The following KAZN variants were observed in gnomAD, a reference collection of about 807,000 sequenced individuals.
The protein encoded by KAZN is kazrin, periplakin interacting protein, also known as kazrin.
Under a neutral mutation model 87.4 loss-of-function variants are expected in KAZN, and 40 were observed. The ratio of observed to expected loss-of-function variants is 0.46; its 90% CI spans 0.36 to 0.60. KAZN has a LOEUF of 0.60. KAZN is among the 20% of genes least tolerant of loss of function. The probability of loss-of-function intolerance (pLI) is 0.00; values close to 1 mark genes in which losing one functional copy is unlikely to be tolerated. For missense variants in KAZN, 898 were observed against 1,073.9 expected (o/e 0.84, Z 2.29); for synonymous variants, 466 against 458.3 (o/e 1.02, Z -0.22).
At chr1:14,655,842 G>T (rs973777775) in intron 1 of KAZN, among the ~76,000 whole-genome samples, 2 of 152,134 alleles carry the variant, frequency 1.3e-5, no homozygotes, top group Non-Finnish European at 2.9e-5. Flanking sequence ...AGGTTCAAGC[G>T]GCCAAAGAAG....
intron 2 of KAZN, among the ~76,000 whole-genome samples, chr1:14,472,050 C>T (rs1298929947): frequency 6.6e-6 from 1 of 152,124 alleles, no homozygotes; most frequent in Non-Finnish European, 1.5e-5. Flanking sequence ...TGAGGGCTCA[C>T]GTTCTGCTTC....
chr1:14,049,677 C>T (rs1371351503), intron 1 of KAZN, among the ~76,000 whole-genome samples: 3 of 152,160 alleles, frequency 2.0e-5, no homozygotes, highest in East Asian at 1.9e-4. Context: ...TCCCTCTTTT[C>T]CTCTCACCCT....
chr1:13,980,226 A>G (rs1638596949), intron 1 of KAZN, among the ~76,000 whole-genome samples: 1 of 152,188 alleles, frequency 6.6e-6, no homozygotes, highest in African/African-American at 2.4e-5. Flanking sequence ...AAGGCAAGAA[A>G]GCATAATAAA....
chr1:14,238,405 T>C (rs1350283723), intron 2 of KAZN, among the ~76,000 whole-genome samples: 1 of 152,218 alleles, frequency 6.6e-6, no homozygotes, highest in Non-Finnish European at 1.5e-5. Flanking sequence ...CATTATTAGC[T>C]GCTAGTGGAT....
intron 1 of KAZN, among the ~76,000 whole-genome samples, chr1:14,632,533 A>G (rs187367839): frequency 1.2e-4 from 18 of 152,028 alleles, no homozygotes; most frequent in African/African-American, 3.6e-4. Flanking sequence ...TGAGAACATT[A>G]AACAAGTGCC....
intron 2 of KAZN, among the ~76,000 whole-genome samples, chr1:15,016,415 A>G (rs1670107754): frequency 6.6e-6 from 1 of 152,078 alleles, no homozygotes; most frequent in Admixed American, 6.5e-5. Flanking sequence ...CCTCCCGAGT[A>G]GCTGGGATTA....
intron 2 of KAZN, among the ~76,000 whole-genome samples, chr1:14,981,122 A>G (rs1263386103): frequency 1.3e-5 from 2 of 152,130 alleles, no homozygotes; most frequent in Non-Finnish European, 2.9e-5. Flanking sequence ...GCTTGCTCCA[A>G]GAAGGGAGGG....
intron 1 of KAZN, among the ~76,000 whole-genome samples, chr1:14,693,959 A>G (rs1641461994): frequency 6.6e-6 from 1 of 152,206 alleles, no homozygotes; most frequent in Non-Finnish European, 1.5e-5. Context: ...AAAATGTAGC[A>G]TGCAGTCTAA....
At chr1:13,961,525 G>A (rs1346138614) in intron 1 of KAZN, among the ~76,000 whole-genome samples, 7 of 152,154 alleles carry the variant, frequency 4.6e-5, no homozygotes, top group Non-Finnish European at 8.8e-5. Flanking sequence ...CCTTGTAGGG[G>A]TGCAATTGGT....
intron 1 of KAZN, among the ~76,000 whole-genome samples, chr1:14,169,207 G>A (rs964525172): frequency 1.2e-4 from 19 of 152,040 alleles, no homozygotes; most frequent in African/African-American, 3.9e-4. Context: ...CACGGTGGAC[G>A]GAAACCAAGG....
intron 1 of KAZN, among the ~76,000 whole-genome samples, chr1:13,944,918 A>G (rs1641078393): frequency 6.6e-6 from 1 of 152,194 alleles, no homozygotes; most frequent in East Asian, 1.9e-4. Flanking sequence ...GTTCTCAGTA[A>G]CAAAGAAAAA....
chr1:15,052,166 G>A (rs1379333705), intron 4 of KAZN, among the ~76,000 whole-genome samples: 3 of 151,382 alleles, frequency 2.0e-5, no homozygotes, highest in Admixed American at 6.6e-5. Flanking sequence ...TGTGTGTGTG[G>A]TGTTAGTCTC....
At chr1:14,019,118 G>T (rs986856628) in intron 1 of KAZN, among the ~76,000 whole-genome samples, 13 of 152,188 alleles carry the variant, frequency 8.5e-5, no homozygotes, top group African/African-American at 2.9e-4. Flanking sequence ...AAGACCAAGA[G>T]AAACTTAATT....
intron 1 of KAZN, among the ~76,000 whole-genome samples, chr1:14,113,232 G>T (rs1329309033): frequency 1.3e-5 from 2 of 152,150 alleles, no homozygotes; most frequent in Admixed American, 6.5e-5. Context: ...TCTTTCTCTG[G>T]CATAAAAGCC....
intron 2 of KAZN, among the ~76,000 whole-genome samples, chr1:15,015,238 T>C (rs1230041652): frequency 6.6e-6 from 1 of 151,976 alleles, no homozygotes; most frequent in East Asian, 1.9e-4. Flanking sequence ...CTGCAACCTC[T>C]GCCTCCCAGG....
intron 2 of KAZN, among the ~76,000 whole-genome samples, chr1:14,550,704 TC>T (rs1673446017): frequency 6.4e-4 from 4 of 6,270 alleles, no homozygotes; most frequent in Non-Finnish European, 3.7e-3. Flanking sequence ...TCTCCTCTTT[TC>T]TCTCTCTCTC....
chr1:14,386,600 G>T (rs532499687), intron 2 of KAZN, among the ~76,000 whole-genome samples: 19 of 152,010 alleles, frequency 1.2e-4, no homozygotes, highest in East Asian at 5.8e-4. Flanking sequence ...TATGAAATTC[G>T]GGGTGGAAAA....
At chr1:14,847,082 T>A (rs1648867056) in intron 1 of KAZN, among the ~76,000 whole-genome samples, 1 of 152,216 alleles carries the variant, frequency 6.6e-6, no homozygotes, top group Non-Finnish European at 1.5e-5. Flanking sequence ...ACTGCTTTTG[T>A]TTATTGAAGG....
intron 2 of KAZN, among the ~76,000 whole-genome samples, chr1:14,433,321 A>G (rs528656630): frequency 6.6e-6 from 1 of 152,276 alleles, no homozygotes; most frequent in South Asian, 2.1e-4. Flanking sequence ...TGTTCTAGAA[A>G]TGCATTTAAA....
Sources: gnomAD v4.1 joint callset for allele counts (sites outside exome capture counted in the v4.1 genomes callset) on GRCh38, gnomAD v4.1.1 for gene constraint, MANE v1.5 for transcripts, NCBI Gene and HGNC (gene_info 2026-07-23, HGNC 2026-07-21) for gene names.